Variants in NRG1 observed in about 807,000 individuals in gnomAD.
The protein encoded by NRG1 is neuregulin 1, also known as pro-neuregulin-1, membrane-bound isoform.
Under a neutral mutation model 63.8 loss-of-function variants are expected in NRG1, and 18 were observed. The observed-to-expected ratio is 0.28, with a 90% CI of 0.19 to 0.42. The LOEUF (loss-of-function observed/expected upper bound fraction) is 0.42, where lower values mean the gene tolerates loss of function less well. Among genes scored for constraint, NRG1 ranks in the 10% least tolerant of loss-of-function variants. The pLI is 1.00. For synonymous variants in NRG1, 302 were observed against 301.3 expected, an observed-to-expected ratio of 1.00 and a Z score of -0.02; for missense variants, 762 against 814.7, an observed-to-expected ratio of 0.94 and a Z score of 0.79.
intron 1 of NRG1, among the ~76,000 whole-genome samples, chr8:31,806,829 C>T (rs1213178924): frequency 6.6e-6 from 1 of 152,070 alleles, no homozygotes; most frequent in Non-Finnish European, 1.5e-5. Context: ...AAGACCAACC[C>T]ATTAATGTGC....
Position 31,887,696 on chromosome 8 carries a change from G to A in NRG1, c.37+248265G>A, listed in dbSNP as rs150299867. ...TTAGGTCTATAGGGTCATTTTATCT[G>A]AGGAAAGATGGCTGTAAGGATCTTT... On this transcript the variant is annotated intron_variant, in intron 1 of 10. Transcript: ENST00000519301. Among the ~76,000 whole-genome samples the A allele has an allele frequency of 2.2e-4, 34 of 152,172 alleles. 1 individual carries two copies. In the East Asian group the frequency reaches 6.4e-3, roughly 29 times the overall value.
chr8:31,691,780 A>G (rs1277245432), intron 1 of NRG1, among the ~76,000 whole-genome samples: 1 of 152,110 alleles, frequency 6.6e-6, no homozygotes. Flanking sequence ...ATGTAAAAAA[A>G]TCCCTTCTCT....
intron 1 of NRG1, among the ~76,000 whole-genome samples, chr8:31,877,180 T>C (rs1829994618): frequency 1.3e-5 from 2 of 152,156 alleles, no homozygotes; most frequent in Non-Finnish European, 2.9e-5. Context: ...GAAGGAATAA[T>C]TTCAAAGTTG....
intron 1 of NRG1, among the ~76,000 whole-genome samples, chr8:32,254,364 T>C (rs1444345718): frequency 1.3e-5 from 2 of 152,248 alleles, no homozygotes; most frequent in South Asian, 2.1e-4. Flanking sequence ...GTCCCAGATA[T>C]TCTGGTACGC....
At chr8:32,741,524 T>C (rs1052561512) in intron 6 of NRG1, among the ~76,000 whole-genome samples, 1 of 152,206 alleles carries the variant, frequency 6.6e-6, no homozygotes, top group Non-Finnish European at 1.5e-5. Flanking sequence ...TGACTTCTAT[T>C]GTTTAATGAC....
At chr8:31,934,195 G>A (rs1443349883) in intron 1 of NRG1, among the ~76,000 whole-genome samples, 1 of 152,060 alleles carries the variant, frequency 6.6e-6, no homozygotes, top group East Asian at 1.9e-4. Context: ...TGATGTATAT[G>A]TTGAATAAGT....
At chr8:32,559,055 T>A (rs1344301615) in intron 1 of NRG1, among the ~76,000 whole-genome samples, 2 of 132,338 alleles carry the variant, frequency 1.5e-5, no homozygotes, top group East Asian at 4.6e-4. Flanking sequence ...CACTCCAGTC[T>A]AGGTGACAGT....
intron 1 of NRG1, among the ~76,000 whole-genome samples, chr8:32,220,097 T>C (rs903364628): frequency 6.6e-6 from 1 of 152,040 alleles, no homozygotes; most frequent in African/African-American, 2.4e-5. Context: ...GGGGTGCTCT[T>C]AAATGCATCA....
chr8:32,337,682 A>AAAAAAAAAAT (rs1554511693), intron 1 of NRG1, among the ~76,000 whole-genome samples: 6 of 116,630 alleles, frequency 5.1e-5, no homozygotes, highest in Non-Finnish European at 9.5e-5. Context: ...AAAAAAAAAA[A>AAAAAAAAAAT]GCTGATGCAG....
intron 5 of NRG1, among the ~76,000 whole-genome samples, chr8:32,633,125 T>G (rs1850651655): frequency 6.6e-6 from 1 of 152,218 alleles, no homozygotes; most frequent in Non-Finnish European, 1.5e-5. Context: ...GAAATCTGAC[T>G]AACTGTACTT....
intron 1 of NRG1, among the ~76,000 whole-genome samples, chr8:32,463,550 C>G (rs1402006122): frequency 6.6e-6 from 1 of 152,082 alleles, no homozygotes; most frequent in Non-Finnish European, 1.5e-5. Context: ...TATATTAATA[C>G]TTAGAATCCT....
At chr8:31,766,419 G>A (rs1380050688) in intron 1 of NRG1, among the ~76,000 whole-genome samples, 1 of 152,136 alleles carries the variant, frequency 6.6e-6, no homozygotes, top group African/African-American at 2.4e-5. Context: ...TATATGTTTT[G>A]GGGTGGGATT....
At chr8:31,852,677 C>T (rs1276463827) in intron 1 of NRG1, among the ~76,000 whole-genome samples, 8 of 151,822 alleles carry the variant, frequency 5.3e-5, no homozygotes, top group African/African-American at 1.5e-4. Flanking sequence ...GACATGAAGT[C>T]CTTGCCCATG....
At chr8:32,601,659 T>TC (rs1844385228) in intron 2 of NRG1, among the ~76,000 whole-genome samples, 1 of 152,086 alleles carries the variant, frequency 6.6e-6, no homozygotes, top group African/African-American at 2.4e-5. Context: ...CATAATCCTC[T>TC]CTAGTGATAA....
At chr8:32,497,446 CAAAAAAAA>C (rs34243536) in intron 1 of NRG1, among the ~76,000 whole-genome samples, 1 of 119,576 alleles carries the variant, frequency 8.4e-6, no homozygotes, top group East Asian at 2.4e-4. Flanking sequence ...GATTTTGTAT[CAAAAAAAA>C]AAAAAAAAAA....
intron 1 of NRG1, among the ~76,000 whole-genome samples, chr8:32,146,342 TG>T (rs1836866786): frequency 6.6e-6 from 1 of 152,150 alleles, no homozygotes; most frequent in South Asian, 2.1e-4. Flanking sequence ...CACTTTCCTG[TG>T]GGGAAAAGAT....
At chr8:31,839,812 G>A (rs574764540) in intron 1 of NRG1, among the ~76,000 whole-genome samples, 13 of 152,050 alleles carry the variant, frequency 8.5e-5, no homozygotes, top group East Asian at 1.9e-4. Context: ...ATTTCCACTC[G>A]CTGGGCTCAG....
At position 32,618,912 on chromosome 8, in the gene NRG1, G is replaced by T. The variant is rs182738387; in HGVS notation, c.502+2027G>T. On this transcript the variant is annotated intron_variant, in intron 5 of 11. Coordinates refer to ENST00000356819, the Ensembl canonical transcript of NRG1. ...TGGAAAGAAGTGAAGGGTTAACTTT[G>T]CAAACATCTAGGGAAACTGGCTGGG... 2.8e-4 allele frequency among the ~76,000 whole-genome samples: 43 copies of T among 152,160 alleles called. No individual in the cohort carries two copies. In the East Asian group the frequency reaches 6.4e-3, roughly 23 times the overall value.
rs1383659968 is a variant in NRG1 at position 32,666,385 on chromosome 8, C to A, written c.502+49500C>A. 2.0e-5 allele frequency among the ~76,000 whole-genome samples: 3 copies of A among 152,108 alleles called. No individual in the cohort carries two copies. In the East Asian group the frequency reaches 5.8e-4, roughly 29 times the overall value. ...TGAACCAATAACTGAAGTGAAAAACCCTTCTGGAAACTGTATATATGAAAA... is the reference window on the plus strand; with the variant it reads ...TGAACCAATAACTGAAGTGAAAAACACTTCTGGAAACTGTATATATGAAAA... On this transcript the variant is annotated intron_variant, in intron 5 of 11. Coordinates refer to ENST00000356819, the Ensembl canonical transcript of NRG1.
Sources: allele counts gnomAD v4.1 joint callset (sites outside exome capture counted in the v4.1 genomes callset), GRCh38; gene constraint gnomAD v4.1.1; transcripts MANE v1.5; gene names NCBI Gene and HGNC (gene_info 2026-07-23, HGNC 2026-07-21).